The following NNT variants were observed in gnomAD, a reference collection of about 807,000 sequenced individuals.
NNT encodes NAD(P) transhydrogenase, mitochondrial.
Under a neutral mutation model 104.8 loss-of-function variants are expected in NNT, and 50 were observed. The ratio of observed to expected loss-of-function variants is 0.48; its 90% CI spans 0.38 to 0.60. NNT has a LOEUF of 0.60. Among genes scored for constraint, NNT ranks in the 20% least tolerant of loss-of-function variants. The probability of loss-of-function intolerance (pLI) is 0.00; values close to 1 mark genes in which losing one functional copy is unlikely to be tolerated. For synonymous variants in NNT, 461 were observed against 490.4 expected (o/e 0.94, Z 0.79); for missense variants, 1,131 against 1,330.7 (o/e 0.85, Z 2.33).
intron 7 of NNT, among the ~76,000 whole-genome samples, chr5:43,638,108 C>T (rs1055041067): frequency 6.6e-6 from 1 of 152,124 alleles, no homozygotes; most frequent in African/African-American, 2.4e-5. Context: ...AAGGAGCTTC[C>T]CCCTTCACTG....
intron 7 of NNT, among the ~76,000 whole-genome samples, chr5:43,630,327 C>T (rs1750611410): frequency 6.6e-6 from 1 of 152,046 alleles, no homozygotes; most frequent in African/African-American, 2.4e-5. Context: ...CTACCTTCTC[C>T]TTGTAGGAAA....
chr5:43,681,399 A>G (rs1460306275), intron 19 of NNT, among the ~76,000 whole-genome samples: 1 of 151,068 alleles, frequency 6.6e-6, no homozygotes, highest in Non-Finnish European at 1.5e-5. Flanking sequence ...ATTTTTTTTA[A>G]TTATTATTTT....
At chr5:43,686,018 T>A (rs1741968919) in intron 19 of NNT, among the ~76,000 whole-genome samples, 1 of 152,170 alleles carries the variant, frequency 6.6e-6, no homozygotes, top group Admixed American at 6.5e-5. Flanking sequence ...CGTGAATAGT[T>A]CTTGTATACA....
At chr5:43,654,043 A>T (rs1322709015) in intron 14 of NNT, among the ~76,000 whole-genome samples, 1 of 152,226 alleles carries the variant, frequency 6.6e-6, no homozygotes, top group African/African-American at 2.4e-5. Flanking sequence ...CATAAACTTA[A>T]ATGAATCAGA....
intron 19 of NNT, among the ~76,000 whole-genome samples, chr5:43,681,937 T>G (rs1741741121): frequency 6.6e-6 from 1 of 152,224 alleles, no homozygotes; most frequent in Non-Finnish European, 1.5e-5. Context: ...GTAGTAAGAA[T>G]GCAAGGAGTA....
chr5:43,693,328 A>G (rs1188396092), intron 19 of NNT, among the ~76,000 whole-genome samples: 1 of 152,244 alleles, frequency 6.6e-6, no homozygotes, highest in East Asian at 1.9e-4. Context: ...AAACCTGCAT[A>G]TGAAAAGATA....
intron 7 of NNT, among the ~76,000 whole-genome samples, chr5:43,642,706 C>T (rs895677495): frequency 2.6e-5 from 4 of 152,124 alleles, no homozygotes. Context: ...GTCCCAGGAG[C>T]CTTAGGATTT....
chr5:43,707,364 T>C lies in NNT; in HGVS notation c.*2960T>C, dbSNP rs1345157735. 6.6e-6 allele frequency: 1 copy of C among 152,124 alleles called. No individual in the cohort carries two copies. The highest frequency in any genetic ancestry group is 1.5e-5 in the Non-Finnish European group (1 of 68,004). 9.4% of individuals were successfully genotyped at this position (152,124 alleles called of 1,614,324 possible). On this transcript the variant is annotated 3_prime_UTR_variant, in exon 22 of 22. Coordinates refer to ENST00000344920, the MANE Select transcript of NNT (RefSeq NM_182977.3). ...CAATGTATATATACTTAAAAATATGTTATACACAATAAATACATACATTAA... is the reference window on the plus strand; with the variant it reads ...CAATGTATATATACTTAAAAATATGCTATACACAATAAATACATACATTAA...
At chr5:43,692,362 C>T (rs942228627) in intron 19 of NNT, among the ~76,000 whole-genome samples, 15 of 152,088 alleles carry the variant, frequency 9.9e-5, no homozygotes, top group Non-Finnish European at 1.5e-4. Flanking sequence ...TTTGCTTTCT[C>T]GCCCAGGCTG....
At chr5:43,670,600 G>C (rs1433302121) in intron 17 of NNT, among the ~76,000 whole-genome samples, 2 of 152,246 alleles carry the variant, frequency 1.3e-5, no homozygotes, top group Non-Finnish European at 2.9e-5. Flanking sequence ...TTTTCAGTGA[G>C]TTTCTTAATC....
chr5:43,665,879 G>A (rs1376422627), intron 17 of NNT, among the ~76,000 whole-genome samples: 4 of 151,460 alleles, frequency 2.6e-5, no homozygotes, highest in African/African-American at 4.8e-5. Context: ...TGGACGGGGC[G>A]GCTGCCGGGC....
chr5:43,659,589 C>T (rs578137137), intron 17 of NNT, among the ~76,000 whole-genome samples: 12 of 152,056 alleles, frequency 7.9e-5, no homozygotes, highest in East Asian at 3.9e-4. Flanking sequence ...ATTAGCCAGG[C>T]GTGGTGGTGG....
chr5:43,633,577 A>G (rs761256556), intron 7 of NNT, among the ~76,000 whole-genome samples: 1 of 152,028 alleles, frequency 6.6e-6, no homozygotes, highest in Non-Finnish European at 1.5e-5. Context: ...TGTTCTTCCT[A>G]TTACAGCAGT....
At chr5:43,603,684 C>A (rs574531134) in intron 1 of NNT, among the ~76,000 whole-genome samples, 1 of 151,972 alleles carries the variant, frequency 6.6e-6, no homozygotes, top group African/African-American at 2.4e-5. Flanking sequence ...CCCTCAAGAT[C>A]GGGGGTGGTG....
intron 16 of NNT, among the ~76,000 whole-genome samples, chr5:43,658,083 C>T (rs1015141707): frequency 2.0e-5 from 3 of 151,668 alleles, no homozygotes; most frequent in Admixed American, 6.6e-5. Context: ...TGCAGTGAGC[C>T]GAGATCATGC....
In NNT at chr5:43,628,287, T is replaced by C. The variant is rs777587237; in HGVS notation, c.864T>C (p.Tyr288=). ...AATCTGGTGAGGGACAAGGAGGATA[T>C]GCAAAAGAGATGTCCAAAGAGTTCA... ...LKESGEGQGG[Y]AKEMSKEFIE... is the part of the protein sequence containing the mutation. Residue 288 remains tyrosine, a synonymous_variant, in exon 7 of 22, where the codon TAT becomes TAC. Transcript: ENST00000344920. 2 of 1,614,080 alleles carry C rather than the reference T, an allele frequency of 1.2e-6. No individual in the cohort carries two copies. Among genetic ancestry groups the C allele is most frequent in the Non-Finnish European group, 1.7e-6 (2 of 1,179,980 alleles).
intron 17 of NNT, among the ~76,000 whole-genome samples, chr5:43,672,055 C>T (rs1741130608): frequency 6.6e-6 from 1 of 152,214 alleles, no homozygotes; most frequent in South Asian, 2.1e-4. Flanking sequence ...CACTGATACC[C>T]TTTCTTCCAG....
chr5:43,644,296 A>G lies in NNT; in HGVS notation c.1069A>G (p.Thr357Ala), dbSNP rs1447408865. 1.2e-6 allele frequency: 2 copies of G among 1,613,800 alleles called. No homozygotes were observed. Among genetic ancestry groups the G allele is most frequent in the Non-Finnish European group, 1.7e-6 (2 of 1,179,992 alleles). The change falls in exon 8 of 22, where the codon ACT becomes GCT. Residue 357 changes from threonine to alanine, a missense_variant. Transcript: ENST00000344920. ...TGAGGCTGGTGGAAACTTTGAAACC[A>G]CTAAGCCAGGAGAACTCTACATTCA... ...AAEAGGNFET[T>A]KPGELYIHKG...
intron 13 of NNT, among the ~76,000 whole-genome samples, chr5:43,652,448 C>G (rs1050374362): frequency 2.0e-5 from 3 of 151,802 alleles, no homozygotes; most frequent in Non-Finnish European, 4.4e-5. Context: ...GTTCTGAACT[C>G]TGTATTTTCT....
Sources: allele counts gnomAD v4.1 joint callset (sites outside exome capture counted in the v4.1 genomes callset), GRCh38; gene constraint gnomAD v4.1.1; transcripts MANE v1.5; gene names NCBI Gene and HGNC (gene_info 2026-07-23, HGNC 2026-07-21).